TBX3: variants seen among roughly 807,000 people sequenced by gnomAD.
The protein encoded by TBX3 is T-box transcription factor 3.
Under a neutral mutation model 47.8 loss-of-function variants are expected in TBX3, and 11 were observed. That is an observed-to-expected ratio of 0.23 (90% CI 0.14 to 0.38). The LOEUF (loss-of-function observed/expected upper bound fraction) is 0.38, where lower values mean the gene tolerates loss of function less well. Ranked by LOEUF, TBX3 falls within the 10% of genes least tolerant of loss-of-function variation. TBX3 has a pLI of 1.00. For synonymous variants in TBX3, 500 were observed against 449.3 expected, an observed-to-expected ratio of 1.11 and a Z score of -1.43; for missense variants, 927 against 1,022.8, an observed-to-expected ratio of 0.91 and a Z score of 1.28.
At chr12:114,681,878 T>C (rs755701816) in intron 1 of TBX3, among the ~76,000 whole-genome samples, 2 of 152,238 alleles carry the variant, frequency 1.3e-5, no homozygotes, top group Admixed American at 6.5e-5. Flanking sequence ...AGGAAGCACT[T>C]TGCTGGAAAA....
Position 114,677,435 on chromosome 12 carries a change from C to T in TBX3, c.881+145G>A, listed in dbSNP as rs150658663. On this transcript the variant is annotated intron_variant, in intron 4 of 6. Coordinates refer to ENST00000349155, the MANE Select transcript of TBX3 (RefSeq NM_005996.4). ...GTACTTGTCCTGGGTATACTGATAG[C>T]GGCAAGCATGTAGCAGTGGGGAAAG... 752 of 769,308 alleles carry T rather than the reference C, an allele frequency of 9.8e-4. 2 individuals are homozygous for T. The African/African-American group carries it at 0.01, about 11-fold the overall frequency. The allele number at this position is 769,308 out of a possible 1,614,324, so 47.7% of individuals were successfully genotyped here.
intron 6 of TBX3, 50 bp from the exon 7 acceptor site, chr12:114,672,352 T>A: frequency 3.5e-6 from 5 of 1,414,478 alleles, no homozygotes; most frequent in Non-Finnish European, 4.7e-6. Context: ...GGGAGGAGCT[T>A]ATCTCATCCC....
intron 4 of TBX3, 129 bp downstream of exon 4, chr12:114,677,451 G>T: frequency 1.2e-6 from 1 of 865,166 alleles, no homozygotes; most frequent in Non-Finnish European, 1.9e-6. Context: ...GCATGTAGCA[G>T]TGGGGAAAGT....
At chr12:114,681,176 GA>G (rs1868911037) in intron 1 of TBX3, 30 bp from the exon 2 acceptor site, 1 of 1,613,084 alleles carries the variant, frequency 6.2e-7, no homozygotes, top group African/African-American at 1.3e-5. Context: ...AAAAGAAAAA[GA>G]AAGATAAACC....
intron 1 of TBX3, among the ~76,000 whole-genome samples, chr12:114,681,442 G>A (rs1319620170): frequency 6.6e-6 from 1 of 152,090 alleles, no homozygotes; most frequent in Non-Finnish European, 1.5e-5. Flanking sequence ...TTTTGTCCTT[G>A]CTTGACTTTA....
Position 114,677,932 on chromosome 12 carries a change from C to G in TBX3, c.805-276G>C, listed in dbSNP as rs113892963. The stretch of plus-strand genomic sequence containing the variant: ...GACATGGAAGTGTTGTCAAAGTCAT[C>G]AAGAGGGAAAACCTGTAGATCTTAA... On this transcript the variant is annotated intron_variant, in intron 3 of 6. Transcript: ENST00000349155. 3.0e-3 allele frequency among the ~76,000 whole-genome samples: 458 copies of G among 151,868 alleles called. 1 individual carries two copies. The highest frequency in any genetic ancestry group is 6.8e-3 in the Middle Eastern group (2 of 294).
Position 114,674,716 on chromosome 12 carries a change from T to C in TBX3, c.1159A>G (p.Lys387Glu). The change falls in exon 6 of 7, where the codon AAG (lysine) becomes GAG (glutamate). Residue 387 changes from lysine to glutamate, a missense_variant. Physicochemically the swap from Lys to Glu is moderately conservative, Grantham distance 56. Transcript: ENST00000349155. The part of the protein sequence containing the change: ...TTTSEEPCRD[K>E]GSPAVKAHLF... ...TGAGCCTTGACCGCGGGGCTGCCCT[T>C]GTCACGGCAGGGCTCCTCCGACGTG... The C allele has an allele frequency of 1.2e-6, 2 of 1,603,470 alleles. No individual in the cohort carries two copies. Among genetic ancestry groups the C allele is most frequent in the Non-Finnish European group, 1.7e-6 (2 of 1,178,098 alleles).
At chr12:114,676,668 G>A (rs1317210977) in intron 4 of TBX3, among the ~76,000 whole-genome samples, 198 bp from the exon 5 acceptor site, 1 of 152,226 alleles carries the variant, frequency 6.6e-6, no homozygotes, top group African/African-American at 2.4e-5. Context: ...TAACTGGGCT[G>A]AAGAGTGTGG....
chr12:114,674,938 G>A, intron 5 of TBX3, 103 bp from the exon 6 acceptor site: 2 of 1,452,378 alleles, frequency 1.4e-6, no homozygotes, highest in South Asian at 1.2e-5. Context: ...GTGGCTTAGT[G>A]GCTGTGTAAT....
At chr12:114,682,780 A>G (rs780633401) in intron 1 of TBX3, 32 bp downstream of exon 1, 11 of 1,614,108 alleles carry the variant, frequency 6.8e-6, no homozygotes, top group Non-Finnish European at 9.3e-6. Context: ...AAACTCTCCA[A>G]CAGCTTAGGG....
chr12:114,684,021 A>G lies in TBX3; in HGVS notation c.-821T>C. On this transcript the variant is annotated 5_prime_UTR_variant, in exon 1 of 7. Transcript: ENST00000349155. ...AAATCTGTGTCCAGGCGCGCAGGGCAGGGAGGATTTAGAGGGGGAAAAAAT... is the reference window on the plus strand; with the variant it reads ...AAATCTGTGTCCAGGCGCGCAGGGCGGGGAGGATTTAGAGGGGGAAAAAAT... The G allele has an allele frequency of 4.4e-6, 1 of 228,892 alleles. No homozygotes were observed. The allele number at this position is 228,892 out of a possible 1,614,324, so 14.2% of individuals were successfully genotyped here.
chr12:114,680,832 T>C, intron 2 of TBX3, 47 bp downstream of exon 2: 1 of 1,613,380 alleles, frequency 6.2e-7, no homozygotes, highest in Non-Finnish European at 8.5e-7. Flanking sequence ...TGCCTTTGAC[T>C]GAGTGAAGGA....
Position 114,670,843 on chromosome 12 carries a change from C to T in TBX3, c.*998G>A, listed in dbSNP as rs766978569. On this transcript the variant is annotated 3_prime_UTR_variant, in exon 7 of 7. Transcript: ENST00000349155. ...CAGTTGCAATTCTATTTACACAGAG[C>T]TATGTACAATGTCAATAAATTAAAG... 4.2e-5 allele frequency: 9 copies of T among 215,608 alleles called. No individual in the cohort carries two copies. The highest frequency in any genetic ancestry group is 9.0e-5 in the African/African-American group (4 of 44,462). The allele number at this position is 215,608 out of a possible 1,614,324, so 13.4% of individuals were successfully genotyped here. A position where few individuals can be genotyped will look rare whatever the true frequency, so the allele number is the denominator to read the frequency against.
At chr12:114,680,316 T>C (rs185791685) in intron 2 of TBX3, 3 of 371,678 alleles carry the variant, frequency 8.1e-6, no homozygotes, top group South Asian at 5.2e-5. Flanking sequence ...GCACTGTCAC[T>C]GAATCCATAT....
Position 114,671,521 on chromosome 12 carries a change from C to T in TBX3, c.*320G>A, listed in dbSNP as rs1868421465. 5 of 480,526 alleles carry T rather than the reference C, an allele frequency of 1.0e-5. No homozygotes were observed. The allele number at this position is 480,526 out of a possible 1,614,324, so 29.8% of individuals were successfully genotyped here. On this transcript the variant is annotated 3_prime_UTR_variant, in exon 7 of 7. Transcript: ENST00000349155. ...AGGGAGATGTCTTTGAACACCTCCC[C>T]GCCTGGTGGGCAGAGACCCAGACCA...
In TBX3 at chr12:114,674,503, C is replaced by A. The variant is rs776624739; in HGVS notation, c.1372G>T (p.Ala458Ser). ...GTCTGCACCGTGAGCGGCGCGAAGGCCTCCTTGCCCGGGAGCGCGCGCGCC... is the reference window on the plus strand; with the variant it reads ...GTCTGCACCGTGAGCGGCGCGAAGGACTCCTTGCCCGGGAGCGCGCGCGCC... ...EEARALPGKEAFAPLTVQTDA... is the reference protein window; with the variant it reads ...EEARALPGKESFAPLTVQTDA... The change falls in exon 6 of 7, where the codon GCC (alanine) becomes TCC (serine). Residue 458 changes from alanine to serine, a missense_variant. This residue lies in a region of TBX3 where 623 missense variants were observed against 569.0 expected (regional missense o/e 1.09). Coordinates refer to ENST00000349155, the MANE Select transcript of TBX3 (RefSeq NM_005996.4). 1 of 1,514,628 alleles carries A rather than the reference C, an allele frequency of 6.6e-7. No homozygotes were observed. 93.8% of individuals were successfully genotyped at this position (1,514,628 alleles called of 1,614,324 possible).
intron 2 of TBX3, chr12:114,680,524 A>C: frequency 2.7e-6 from 1 of 374,372 alleles, no homozygotes; most frequent in Non-Finnish European, 4.9e-6. Flanking sequence ...GTTTCAAAAC[A>C]GAAGTATGAT....
In TBX3 at chr12:114,684,040, A is replaced by G. The variant is rs1401019353; in HGVS notation, c.-840T>C. On this transcript the variant is annotated 5_prime_UTR_variant, in exon 1 of 7. Transcript: ENST00000349155. Reference sequence around the variant, plus strand: ...CAGGGCAGGGAGGATTTAGAGGGGGAAAAAATGGAACAGAGGGAAAGAGAG... The same window carrying G: ...CAGGGCAGGGAGGATTTAGAGGGGGGAAAAATGGAACAGAGGGAAAGAGAG... 3.1e-5 allele frequency: 7 copies of G among 229,432 alleles called. No homozygotes were observed. The highest frequency in any genetic ancestry group is 6.2e-5 in the East Asian group (1 of 16,192). 14.2% of individuals were successfully genotyped at this position (229,432 alleles called of 1,614,324 possible). A position where few individuals can be genotyped will look rare whatever the true frequency, so the allele number is the denominator to read the frequency against.
At chr12:114,679,674 A>T in intron 2 of TBX3, 23 bp from the exon 3 acceptor site, 1 of 1,614,082 alleles carries the variant, frequency 6.2e-7, no homozygotes, top group Non-Finnish European at 8.5e-7. Flanking sequence ...GGAAGAGGAG[A>T]CATACATAAA....
Sources: allele counts gnomAD v4.1 joint callset (sites outside exome capture counted in the v4.1 genomes callset), GRCh38; gene constraint gnomAD v4.1.1; regional missense constraint gnomAD v4.1.1; transcripts MANE v1.5; gene names NCBI Gene and HGNC (gene_info 2026-07-23, HGNC 2026-07-21).